EVC2: variants seen among roughly 807,000 people sequenced by gnomAD.
EVC2 encodes EvC ciliary complex subunit 2, also known as limbin.
Under a neutral mutation model 149.3 loss-of-function variants are expected in EVC2, and 148 were observed. The observed-to-expected ratio is 0.99, with a 90% CI of 0.87 to 1.14. The LOEUF (loss-of-function observed/expected upper bound fraction) is 1.14, where lower values mean the gene tolerates loss of function less well. Among genes scored for constraint, EVC2 ranks in the 50% most tolerant of loss-of-function variants. EVC2 has a pLI of 0.00. For synonymous variants in EVC2, 776 were observed against 649.9 expected (o/e 1.19, Z -2.95); for missense variants, 1,854 against 1,627.3 (o/e 1.14, Z -2.40).
intron 12 of EVC2, among the ~76,000 whole-genome samples, chr4:5,626,750 GCTGAGGTC>G (rs1241356662): frequency 1.3e-5 from 2 of 152,172 alleles, no homozygotes; most frequent in African/African-American, 4.8e-5. Context: ...CATCCAATAT[GCTGAGGTC>G]CTGAATAGAA....
chr4:5,604,959 C>A (rs970298801), intron 16 of EVC2, among the ~76,000 whole-genome samples: 4 of 151,972 alleles, frequency 2.6e-5, no homozygotes, highest in Admixed American at 2.6e-4. Flanking sequence ...TACTCCTCCT[C>A]CTCCTCAGCC....
chr4:5,604,909 C>T (rs1714265326), intron 16 of EVC2, among the ~76,000 whole-genome samples: 1 of 151,652 alleles, frequency 6.6e-6, no homozygotes, highest in Non-Finnish European at 1.5e-5. Context: ...AACTCTTCCA[C>T]CTCTGCTACC....
intron 21 of EVC2, among the ~76,000 whole-genome samples, chr4:5,551,899 T>C (rs1436253319): frequency 6.6e-6 from 1 of 152,170 alleles, no homozygotes; most frequent in Non-Finnish European, 1.5e-5. Flanking sequence ...CCTGCCACCA[T>C]CCATGTAAGA....
chr4:5,594,882 T>C (rs1478497863), intron 16 of EVC2, among the ~76,000 whole-genome samples: 3 of 152,150 alleles, frequency 2.0e-5, no homozygotes, highest in African/African-American at 7.2e-5. Flanking sequence ...AAGGAGCTGA[T>C]GGAGCTGAAA....
chr4:5,653,456 T>C (rs1320375876), intron 9 of EVC2, among the ~76,000 whole-genome samples: 1 of 152,238 alleles, frequency 6.6e-6, no homozygotes, highest in African/African-American at 2.4e-5. Flanking sequence ...ATCCAGATTC[T>C]AAGATTCTGT....
At chr4:5,570,952 C>T (rs1722606456) in intron 19 of EVC2, among the ~76,000 whole-genome samples, 1 of 151,902 alleles carries the variant, frequency 6.6e-6, no homozygotes, top group African/African-American at 2.4e-5. Flanking sequence ...TATGAGGATG[C>T]AAAGGCATAA....
In EVC2 at chr4:5,613,768, T is replaced by C. The variant is rs1715030804; in HGVS notation, c.2829+1654A>G. 1.3e-5 allele frequency among the ~76,000 whole-genome samples: 2 copies of C among 152,166 alleles called. No individual in the cohort carries two copies. Among genetic ancestry groups the C allele is most frequent in the South Asian group, 4.1e-4 (2 of 4,830 alleles). ...CTTTAACAATAGGTAAGATGACATTTTGCCTCTATCTGCCTAATCTTTGTC... is the reference window on the plus strand; with the variant it reads ...CTTTAACAATAGGTAAGATGACATTCTGCCTCTATCTGCCTAATCTTTGTC... On this transcript the variant is annotated intron_variant, in intron 16 of 21. Coordinates refer to ENST00000344408, the MANE Select transcript of EVC2 (RefSeq NM_147127.5). The surrounding 1 kb of genome is among the most constrained non-coding windows in gnomAD (Gnocchi z 4.6).
chr4:5,596,638 C>G (rs1188478436), intron 16 of EVC2, among the ~76,000 whole-genome samples: 1 of 151,784 alleles, frequency 6.6e-6, no homozygotes, highest in Non-Finnish European at 1.5e-5. Flanking sequence ...AAATTGACAC[C>G]CTAACATCAC....
intron 16 of EVC2, among the ~76,000 whole-genome samples, chr4:5,591,975 A>G (rs1321272869): frequency 6.6e-6 from 1 of 152,224 alleles, no homozygotes; most frequent in Admixed American, 6.5e-5. Flanking sequence ...ATGCATTATA[A>G]TGTCCTTTAA....
the EVC2 span, among the ~76,000 whole-genome samples, chr4:5,535,499 A>G: frequency 6.6e-6 from 1 of 152,052 alleles, no homozygotes; most frequent in African/African-American, 2.4e-5. This position sits in a 1 kb window ranked among gnomAD's most constrained non-coding sequence, Gnocchi z 4.7. Flanking sequence ...AAATTATTAC[A>G]GACTGGGTGG....
chr4:5,573,225 C>T (rs1023367788), intron 19 of EVC2, among the ~76,000 whole-genome samples: 2 of 152,090 alleles, frequency 1.3e-5, no homozygotes, highest in Admixed American at 6.5e-5. Flanking sequence ...CCTTATAAGG[C>T]GAAGGGTACT....
At chr4:5,650,118 G>A (rs551643082) in intron 9 of EVC2, among the ~76,000 whole-genome samples, 1 of 152,234 alleles carries the variant, frequency 6.6e-6, no homozygotes, top group African/African-American at 2.4e-5. Context: ...AAGTGGGATT[G>A]GGCCTTCCCT....
chr4:5,697,772 G>A, intron 1 of EVC2, 125 bp from the exon 2 acceptor site: 3 of 796,896 alleles, frequency 3.8e-6, no homozygotes, highest in Non-Finnish European at 6.2e-6. Flanking sequence ...CTGAGACAGA[G>A]TCTTGCTCTG....
intron 7 of EVC2, among the ~76,000 whole-genome samples, chr4:5,671,908 G>A (rs1719674363): frequency 1.3e-5 from 2 of 152,220 alleles, no homozygotes; most frequent in African/African-American, 4.8e-5. Context: ...CTATTTAAGT[G>A]GATACATCAA....
At chr4:5,671,060 G>A (rs931582646) in intron 7 of EVC2, among the ~76,000 whole-genome samples, 6 of 152,194 alleles carry the variant, frequency 3.9e-5, no homozygotes, top group African/African-American at 1.4e-4. Flanking sequence ...CTAAGCACCA[G>A]GGATGGATCC....
chr4:5,654,275 G>GAGGCCTGGAGTC lies in EVC2; in HGVS notation c.1145+8820_1145+8831dup, dbSNP rs1718355390. ...ATAGGGAGAAGAGGAGGCCTGGAGT[G>GAGGCCTGGAGTC]AGGCCTGGAGTCAGCCCTGGAGTCC... On this transcript the variant is annotated intron_variant, in intron 9 of 21. Coordinates refer to ENST00000344408, the MANE Select transcript of EVC2 (RefSeq NM_147127.5). Among the ~76,000 whole-genome samples, 3 of 151,204 alleles carry GAGGCCTGGAGTC rather than the reference G, an allele frequency of 2.0e-5. No individual in the cohort carries two copies. In the South Asian group the frequency reaches 6.2e-4, roughly 31 times the overall value.
rs1722366809 is a variant in EVC2, at chr4:5,567,577, G to C, written c.3557+867C>G. 1.3e-5 allele frequency among the ~76,000 whole-genome samples: 2 copies of C among 152,020 alleles called. No homozygotes were observed. Among genetic ancestry groups the C allele is most frequent in the African/African-American group, 4.8e-5 (2 of 41,380 alleles). ...CATTCCCCACCTACTCCATCCTCAA[G>C]GGGTACTGCTGGCTGCCCCCCAAAC... is the stretch of plus-strand genomic sequence containing the variant. On this transcript the variant is annotated intron_variant, in intron 20 of 21. Coordinates refer to ENST00000344408, the MANE Select transcript of EVC2 (RefSeq NM_147127.5). The surrounding 1 kb of genome is among the most constrained non-coding windows in gnomAD (Gnocchi z 4.4).
chr4:5,610,293 A>G (rs989138958), intron 16 of EVC2, among the ~76,000 whole-genome samples: 6 of 152,232 alleles, frequency 3.9e-5, no homozygotes, highest in African/African-American at 1.4e-4. Flanking sequence ...ATTAATATAT[A>G]TACATACAGT....
At chr4:5,697,725 C>CTA (rs1185659727) in intron 1 of EVC2, 78 bp from the exon 2 acceptor site, 8 of 1,339,228 alleles carry the variant, frequency 6.0e-6, no homozygotes, top group Non-Finnish European at 8.5e-6. Context: ...TTGTAAATGA[C>CTA]TCACATGGAG....
Sources: gnomAD v4.1 joint callset for allele counts (sites outside exome capture counted in the v4.1 genomes callset) on GRCh38, gnomAD v4.1.1 for gene constraint, Gnocchi (gnomAD v3.1) non-coding constraint, MANE v1.5 for transcripts, NCBI Gene and HGNC (gene_info 2026-07-23, HGNC 2026-07-21) for gene names.